The following ARID2 variants were observed in gnomAD, a reference collection of about 807,000 sequenced individuals.
The protein encoded by ARID2 is AT-rich interaction domain 2, also known as AT-rich interactive domain-containing protein 2.
ARID2 carries 32 observed loss-of-function variants against 184.6 expected under a neutral mutation model. That is an observed-to-expected ratio of 0.17 (90% CI 0.13 to 0.23). The LOEUF (loss-of-function observed/expected upper bound fraction) is 0.23, where lower values mean the gene tolerates loss of function less well. ARID2 is among the 10% of genes least tolerant of loss of function. The pLI is 1.00. For missense variants in ARID2, 1,696 were observed against 2,197.6 expected (o/e 0.77, Z 4.56); for synonymous variants, 836 against 772.6 (o/e 1.08, Z -1.36).
intron 6 of ARID2, among the ~76,000 whole-genome samples, chr12:45,827,372 G>GA (rs1424643511): frequency 1.3e-5 from 2 of 151,778 alleles, no homozygotes; most frequent in East Asian, 3.9e-4. Flanking sequence ...TTATTTCAGA[G>GA]AAAAAAATAC....
At chr12:45,847,029 T>C (rs1045930577) in intron 12 of ARID2, 92 bp downstream of exon 12, 25 of 1,142,188 alleles carry the variant, frequency 2.2e-5, no homozygotes, top group Non-Finnish European at 3.2e-5. Flanking sequence ...CAGAATGTTT[T>C]GTTCTGTATT....
At chr12:45,790,475 A>G (rs1341753989) in intron 3 of ARID2, among the ~76,000 whole-genome samples, 1 of 152,122 alleles carries the variant, frequency 6.6e-6, no homozygotes, top group Non-Finnish European at 1.5e-5. Context: ...TAAATTGTTT[A>G]TGTGGTTCTC....
At chr12:45,799,013 A>G (rs1942444589) in intron 3 of ARID2, among the ~76,000 whole-genome samples, 1 of 151,962 alleles carries the variant, frequency 6.6e-6, no homozygotes, top group Admixed American at 6.6e-5. Context: ...AAATAAAAAT[A>G]TACAAGAAGT....
At chr12:45,849,023 C>T in intron 13 of ARID2, 53 bp downstream of exon 13, 1 of 1,551,690 alleles carries the variant, frequency 6.4e-7, no homozygotes, top group South Asian at 1.2e-5. Context: ...TACAACATCT[C>T]TTGCTCTTTA....
At chr12:45,758,388 G>A (rs936175988) in intron 3 of ARID2, among the ~76,000 whole-genome samples, 1 of 145,370 alleles carries the variant, frequency 6.9e-6, no homozygotes, top group Non-Finnish European at 1.5e-5. Context: ...TTTTTTTTTT[G>A]TGCGACTTTT....
At chr12:45,750,449 T>C (rs183813309) in intron 3 of ARID2, among the ~76,000 whole-genome samples, 211 of 152,342 alleles carry the variant, frequency 1.4e-3, no homozygotes, top group Non-Finnish European at 2.4e-3. Context: ...GACACAGAAC[T>C]GTGAAGTGAG....
At chr12:45,897,632 A>G (rs1185455990) in intron 20 of ARID2, among the ~76,000 whole-genome samples, 1 of 152,192 alleles carries the variant, frequency 6.6e-6, no homozygotes, top group Non-Finnish European at 1.5e-5. Flanking sequence ...AATTGAAGGC[A>G]GGGAATTGAA....
Position 45,788,541 on chromosome 12 carries a change from T to C in ARID2, c.285-22877T>C, listed in dbSNP as rs144538552. On this transcript the variant is annotated intron_variant, in intron 3 of 20. Coordinates refer to ENST00000334344, the MANE Select transcript of ARID2 (RefSeq NM_152641.4). ...ATTTACATGTATCAGGGAAATGGTC[T>C]ATACTTTGATTAGGAAGTAGACTAC... Among the ~76,000 whole-genome samples the C allele has an allele frequency of 2.6e-4, 40 of 152,324 alleles. No individual in the cohort carries two copies. In the East Asian group the frequency reaches 7.7e-3, roughly 29 times the overall value.
At chr12:45,852,929 A>G in intron 15 of ARID2, 33 bp downstream of exon 15, 1 of 1,509,148 alleles carries the variant, frequency 6.6e-7, no homozygotes, top group Non-Finnish European at 8.8e-7. Flanking sequence ...TTCTCTTATG[A>G]AATTTCTGAT....
At chr12:45,740,134 C>A (rs1285578058) in intron 3 of ARID2, among the ~76,000 whole-genome samples, 1 of 152,088 alleles carries the variant, frequency 6.6e-6, no homozygotes, top group Non-Finnish European at 1.5e-5. Flanking sequence ...ATTAAAGAGT[C>A]AAACTTTTGA....
intron 3 of ARID2, among the ~76,000 whole-genome samples, chr12:45,808,775 G>A (rs950954917): frequency 6.6e-6 from 1 of 151,926 alleles, no homozygotes; most frequent in African/African-American, 2.4e-5. Flanking sequence ...GTGTGTGTGT[G>A]TGTTGAGACG....
Position 45,821,495 on chromosome 12 carries a change from A to G in ARID2, c.705+8A>G. 1.4e-6 allele frequency: 2 copies of G among 1,472,866 alleles called. No individual in the cohort carries two copies. Among genetic ancestry groups the G allele is most frequent in the East Asian group, 2.5e-5 (1 of 39,402 alleles). The allele number at this position is 1,472,866 out of a possible 1,614,324, so 91.2% of individuals were successfully genotyped here. On this transcript the variant is annotated splice_region_variant and intron_variant, in intron 6 of 20. Coordinates refer to ENST00000334344, the MANE Select transcript of ARID2 (RefSeq NM_152641.4). ...GATAGAGACTTCGTTAAGGTAAATCATTTTAATTAAAATGTTGATTCATTG... is the reference window on the plus strand; with the variant it reads ...GATAGAGACTTCGTTAAGGTAAATCGTTTTAATTAAAATGTTGATTCATTG...
intron 16 of ARID2, among the ~76,000 whole-genome samples, chr12:45,889,415 A>G (rs572315817): frequency 6.6e-6 from 1 of 152,236 alleles, no homozygotes; most frequent in Non-Finnish European, 1.5e-5. Context: ...CCTTAAATGA[A>G]CATATTGTTT....
At chr12:45,737,106 G>C (rs560022966) in intron 3 of ARID2, among the ~76,000 whole-genome samples, 4 of 152,156 alleles carry the variant, frequency 2.6e-5, no homozygotes, top group African/African-American at 9.7e-5. Context: ...TCATTATGTT[G>C]TGAATTGATA....
Position 45,852,877 on chromosome 12 carries a change from T to C in ARID2, c.4754T>C (p.Val1585Ala). Reference sequence around the variant, plus strand: ...AAGCAACAGCATCCACCAACATATGTACAGAATGTGGTCCCGCAGGTAAGT... The same window carrying C: ...AAGCAACAGCATCCACCAACATATGCACAGAATGTGGTCCCGCAGGTAAGT... ...QQKQQHPPTY[V>A]QNVVPQNTPM... The change falls in exon 15 of 21, where the codon GTA becomes GCA. Residue 1585 changes from valine to alanine, a missense_variant. By Grantham distance (64) the Val-to-Ala change is moderately conservative. Coordinates refer to ENST00000334344, the MANE Select transcript of ARID2 (RefSeq NM_152641.4). 1 of 1,591,452 alleles carries C rather than the reference T, an allele frequency of 6.3e-7. No homozygotes were observed. The highest frequency in any genetic ancestry group is 8.6e-7 in the Non-Finnish European group (1 of 1,166,874).
chr12:45,849,016 A>G, intron 13 of ARID2, 46 bp downstream of exon 13: 1 of 1,576,436 alleles, frequency 6.3e-7, no homozygotes. Context: ...CGTCACTTAC[A>G]ACATCTCTTG....
At chr12:45,859,511 T>C (rs544162732) in intron 15 of ARID2, among the ~76,000 whole-genome samples, 20 of 152,104 alleles carry the variant, frequency 1.3e-4, no homozygotes, top group Non-Finnish European at 2.6e-4. Context: ...TTTCCCAGAG[T>C]TTTAATTTAC....
chr12:45,793,442 A>G (rs1942330040), intron 3 of ARID2, among the ~76,000 whole-genome samples: 1 of 151,718 alleles, frequency 6.6e-6, no homozygotes, highest in Non-Finnish European at 1.5e-5. Context: ...CCCTTGACCT[A>G]TCACTGTCTA....
chr12:45,760,575 G>T (rs1419256634), intron 3 of ARID2, among the ~76,000 whole-genome samples: 11 of 151,922 alleles, frequency 7.2e-5, no homozygotes, highest in Admixed American at 7.2e-4. Flanking sequence ...TGTTGCTTAT[G>T]TACATTGAGA....
Sources: allele counts gnomAD v4.1 joint callset (sites outside exome capture counted in the v4.1 genomes callset), GRCh38; gene constraint gnomAD v4.1.1; transcripts MANE v1.5; gene names NCBI Gene and HGNC (gene_info 2026-07-23, HGNC 2026-07-21).